Variants in CDC42BPB observed in about 807,000 individuals in gnomAD.
CDC42BPB encodes serine/threonine-protein kinase MRCK beta.
In CDC42BPB, 37 loss-of-function variants were observed where a neutral mutation model predicts 214.9. The observed-to-expected ratio is 0.17, with a 90% CI of 0.13 to 0.23. The LOEUF (loss-of-function observed/expected upper bound fraction) is 0.23. Among genes scored for constraint, CDC42BPB ranks in the 10% least tolerant of loss-of-function variants. The probability of loss-of-function intolerance (pLI) is 1.00; values close to 1 mark genes in which losing one functional copy is unlikely to be tolerated. For synonymous variants in CDC42BPB, 931 were observed against 884.0 expected (o/e 1.05, Z -0.94); for missense variants, 1,694 against 2,227.0 (o/e 0.76, Z 4.82).
At position 102,968,460 on chromosome 14, in the gene CDC42BPB, A is replaced by C; in HGVS notation, c.2240+12T>G. The C allele has an allele frequency of 6.2e-7, 1 of 1,613,992 alleles. No homozygotes were observed. Among genetic ancestry groups the C allele is most frequent in the Non-Finnish European group, 8.5e-7 (1 of 1,179,968 alleles). On this transcript the variant is annotated intron_variant, in intron 15 of 36. Coordinates refer to ENST00000361246, the MANE Select transcript of CDC42BPB (RefSeq NM_006035.4). ...TTGCATCTTCTGAACTGAGAAGCTCATGAAAACCTACCGTTCTCGCTTTGA... is the reference window on the plus strand; with the variant it reads ...TTGCATCTTCTGAACTGAGAAGCTCCTGAAAACCTACCGTTCTCGCTTTGA...
chr14:103,053,534 G>C (rs1230745978), intron 1 of CDC42BPB, among the ~76,000 whole-genome samples: 9 of 151,778 alleles, frequency 5.9e-5, no homozygotes, highest in Admixed American at 2.0e-4. Context: ...GGCCAAGGGG[G>C]GCAGATCACG....
chr14:102,986,501 T>C lies in CDC42BPB; in HGVS notation c.676A>G (p.Asn226Asp). The change falls in exon 6 of 37, where the codon AAT becomes GAT. Residue 226 changes from asparagine to aspartate, a missense_variant. Around this residue, in one of 7 missense-constraint regions of CDC42BPB, gnomAD observed 225 missense variants for 459.3 expected, o/e 0.49. Coordinates refer to ENST00000361246, the MANE Select transcript of CDC42BPB (RefSeq NM_006035.4). ...LADFGSCLKM[N>D]DDGTVQSSVA... ...AAAATACCTACAGTGCCATCATCAT[T>C]CATCTTCAAACATGATCCAAAGTCA... 1 of 1,613,452 alleles carries C rather than the reference T, an allele frequency of 6.2e-7. No homozygotes were observed. Among genetic ancestry groups the C allele is most frequent in the Non-Finnish European group, 8.5e-7 (1 of 1,179,496 alleles).
At chr14:103,047,512 GA>G (rs546304658) in intron 1 of CDC42BPB, among the ~76,000 whole-genome samples, 4 of 152,118 alleles carry the variant, frequency 2.6e-5, no homozygotes, top group Non-Finnish European at 5.9e-5. Context: ...TCTCAGTGTA[GA>G]CAGCAATGCC....
chr14:103,048,656 C>T (rs1376698711), intron 1 of CDC42BPB, among the ~76,000 whole-genome samples: 26 of 149,640 alleles, frequency 1.7e-4, no homozygotes, highest in Admixed American at 2.7e-4. Flanking sequence ...TGCAGTGAGC[C>T]GAGATCGGGC....
chr14:102,952,711 G>A (rs1595460901), intron 23 of CDC42BPB, 108 bp from the exon 24 acceptor site: 3 of 1,491,316 alleles, frequency 2.0e-6, no homozygotes, highest in East Asian at 5.0e-5. Context: ...TCCTGAAAAG[G>A]TGGAAATGTG....
rs1176931393 is a variant in CDC42BPB, at chr14:102,944,861, C to G, written c.3812-374G>C. On this transcript the variant is annotated intron_variant, in intron 29 of 36. Transcript: ENST00000361246. The surrounding 1 kb of genome is among the most constrained non-coding windows in gnomAD (Gnocchi z 6.6). ...TCTGGGCCTCCTTCCAGCTCATCCC[C>G]GAACCAGAGGGCCCTCACGCTGCAC... 6.6e-6 allele frequency among the ~76,000 whole-genome samples: 1 copy of G among 152,162 alleles called. No individual in the cohort carries two copies. Among genetic ancestry groups the G allele is most frequent in the Non-Finnish European group, 1.5e-5 (1 of 68,020 alleles).
rs1595477132 is a variant in CDC42BPB, at chr14:102,968,550, T to C, written c.2162A>G (p.Asp721Gly). 3.1e-6 allele frequency: 5 copies of C among 1,614,082 alleles called. No homozygotes were observed. Residue 721 changes from aspartate to glycine, a missense_variant, in exon 15 of 37, where the codon GAT (aspartate) becomes GGT (glycine). This residue lies in a region of CDC42BPB where 462 missense variants were observed against 513.5 expected (regional missense o/e 0.90). Transcript: ENST00000361246. ...CAGGGCCAGCTGGTGGCTTTCTGAA[T>C]CATGCACCTCCTTCTTCACATTTTT... ...EVKNVKKEVH[D>G]SESHQLALQK... is the part of the protein sequence containing the mutation.
At position 102,952,743 on chromosome 14, in the gene CDC42BPB, G is replaced by A; in HGVS notation, c.3067-140C>T. On this transcript the variant is annotated intron_variant, in intron 23 of 36. Transcript: ENST00000361246. ...TGTGCAAGTTCTGGTCTTGGTCTACGTGTTCCCTAACAGGGCTCATCAAAT... is the reference window on the plus strand; with the variant it reads ...TGTGCAAGTTCTGGTCTTGGTCTACATGTTCCCTAACAGGGCTCATCAAAT... 5.5e-6 allele frequency: 8 copies of A among 1,458,876 alleles called. No individual in the cohort carries two copies. The Admixed American group carries it at 6.6e-5, about 12-fold the overall frequency. The allele number at this position is 1,458,876 out of a possible 1,614,324, so 90.4% of individuals were successfully genotyped here.
chr14:103,035,484 G>A (rs1887613025), intron 1 of CDC42BPB, among the ~76,000 whole-genome samples: 1 of 152,012 alleles, frequency 6.6e-6, no homozygotes, highest in Admixed American at 6.6e-5. Flanking sequence ...GATCACTTGA[G>A]CCCAGGAATT....
At chr14:103,006,977 C>T (rs1885863062) in intron 3 of CDC42BPB, among the ~76,000 whole-genome samples, 1 of 152,194 alleles carries the variant, frequency 6.6e-6, no homozygotes. Context: ...AATAACATTC[C>T]TGTGTTTGCC....
Position 102,949,838 on chromosome 14 carries a change from G to C in CDC42BPB, c.3376C>G (p.Leu1126Val). The C allele has an allele frequency of 6.2e-7, 1 of 1,613,658 alleles. No individual in the cohort carries two copies. The highest frequency in any genetic ancestry group is 1.1e-5 in the South Asian group (1 of 91,082). ...CCTTCAGGCAGATCATACAGGAAGAGCTTGCAGTCACAGACGACTGCATAT... is the reference window on the plus strand; with the variant it reads ...CCTTCAGGCAGATCATACAGGAAGACCTTGCAGTCACAGACGACTGCATAT... ...RAYAVVCDCKLFLYDLPEGKS... is the reference protein window; with the variant it reads ...RAYAVVCDCKVFLYDLPEGKS... The change falls in exon 26 of 37, where the codon CTC (leucine) becomes GTC (valine). Residue 1126 changes from leucine to valine, a missense_variant. Coordinates refer to ENST00000361246, the MANE Select transcript of CDC42BPB (RefSeq NM_006035.4).
At position 102,972,144 on chromosome 14, in the gene CDC42BPB, T is replaced by G; in HGVS notation, c.1659A>C (p.Ser553=). 6.2e-7 allele frequency: 1 copy of G among 1,614,158 alleles called. No individual in the cohort carries two copies. Among genetic ancestry groups the G allele is most frequent in the Non-Finnish European group, 8.5e-7 (1 of 1,179,964 alleles). Residue 553 remains serine, a synonymous_variant, in exon 13 of 37, where the codon TCA becomes TCC. Coordinates refer to ENST00000361246, the MANE Select transcript of CDC42BPB (RefSeq NM_006035.4). ...CCTTGGCCTGGGATTTCAACCGCTC[T>G]GAGGCTTCAACCAGTTGCTGAACAA... The part of the protein sequence containing the change: ...EELHKQLVEA[S]ERLKSQAKEL...
At chr14:103,000,754 T>C (rs369756558) in intron 4 of CDC42BPB, among the ~76,000 whole-genome samples, 3 of 152,334 alleles carry the variant, frequency 2.0e-5, no homozygotes, top group African/African-American at 4.8e-5. Context: ...GCTGTCACCA[T>C]GAAGGCCCAC....
chr14:102,940,547 C>T (rs147347088), intron 30 of CDC42BPB: 29 of 1,269,368 alleles, frequency 2.3e-5, no homozygotes, highest in Middle Eastern at 2.8e-4. Flanking sequence ...CAATCACTTC[C>T]GTAACTAATA....
At chr14:102,979,735 T>C (rs918883687) in intron 8 of CDC42BPB, among the ~76,000 whole-genome samples, 13 of 152,192 alleles carry the variant, frequency 8.5e-5, no homozygotes, top group Middle Eastern at 3.2e-3. Context: ...AAACCTCAGC[T>C]TGTCTATCCC....
chr14:103,045,119 A>G (rs1888221091), intron 1 of CDC42BPB, among the ~76,000 whole-genome samples: 1 of 152,140 alleles, frequency 6.6e-6, no homozygotes, highest in Non-Finnish European at 1.5e-5. Context: ...GATAGACTGA[A>G]TTATTTTAAT....
At chr14:103,030,204 G>A (rs1284054378) in intron 1 of CDC42BPB, among the ~76,000 whole-genome samples, 2 of 152,258 alleles carry the variant, frequency 1.3e-5, no homozygotes, top group East Asian at 1.9e-4. Flanking sequence ...TCCATGGGGC[G>A]TGCCCAGCAC....
At chr14:102,978,053 C>T in intron 9 of CDC42BPB, 73 bp downstream of exon 9, 1 of 1,185,594 alleles carries the variant, frequency 8.4e-7, no homozygotes, top group African/African-American at 1.5e-5. Flanking sequence ...CCCCCAGGGA[C>T]AGACTGTGGT....
chr14:102,964,990 A>T lies in CDC42BPB; in HGVS notation c.2578-340T>A, dbSNP rs528914714. On this transcript the variant is annotated intron_variant, in intron 18 of 36. Coordinates refer to ENST00000361246, the MANE Select transcript of CDC42BPB (RefSeq NM_006035.4). ...GCCTAGGCTGGAGTGCAATGGCGTG[A>T]TCTCAGCTTACCGCGACCTCCGCCT... is the stretch of plus-strand genomic sequence containing the variant. Among the ~76,000 whole-genome samples the T allele has an allele frequency of 2.0e-5, 3 of 150,762 alleles. No homozygotes were observed. The South Asian group carries it at 6.3e-4, about 32-fold the overall frequency.
Sources: gnomAD v4.1 joint callset for allele counts (sites outside exome capture counted in the v4.1 genomes callset) on GRCh38, gnomAD v4.1.1 for gene constraint, gnomAD v4.1.1 regional missense constraint, Gnocchi (gnomAD v3.1) non-coding constraint, MANE v1.5 for transcripts, NCBI Gene and HGNC (gene_info 2026-07-23, HGNC 2026-07-21) for gene names.